The following CCDC192 variants were observed in gnomAD, a reference collection of about 807,000 sequenced individuals.
The protein encoded by CCDC192 is coiled-coil domain-containing protein 192.
chr5:127,885,179 C>CT (rs961175449), intron 6 of CCDC192, among the ~76,000 whole-genome samples: 2 of 151,964 alleles, frequency 1.3e-5, no homozygotes, highest in African/African-American at 4.8e-5. Flanking sequence ...CAAGCACCAG[C>CT]TAAATGTCAG....
chr5:127,821,896 A>G (rs1422468725), intron 5 of CCDC192, among the ~76,000 whole-genome samples: 1 of 152,236 alleles, frequency 6.6e-6, no homozygotes, highest in East Asian at 1.9e-4. Flanking sequence ...ACACAACTGA[A>G]TTATGAAGTT....
chr5:127,797,477 G>C (rs1757221596), intron 4 of CCDC192, among the ~76,000 whole-genome samples: 1 of 151,812 alleles, frequency 6.6e-6, no homozygotes, highest in Non-Finnish European at 1.5e-5. Context: ...AACATTAGCT[G>C]AATATTCTAT....
In CCDC192 at chr5:127,754,253, T is replaced by C; in HGVS notation, c.115-15T>C. ...CCATGTCAAAAAGTAATACTTGATT[T>C]TTTTTTTTTTAAAGAAAGCGTCCCT... On this transcript the variant is annotated splice_polypyrimidine_tract_variant and intron_variant, in intron 2 of 6. Transcript: ENST00000514853. The C allele has an allele frequency of 7.5e-6, 3 of 398,346 alleles. No individual in the cohort carries two copies. Among genetic ancestry groups the C allele is most frequent in the Non-Finnish European group, 1.3e-5 (3 of 225,756 alleles). The allele number at this position is 398,346 out of a possible 1,614,324, so 24.7% of individuals were successfully genotyped here. A position where few individuals can be genotyped will look rare whatever the true frequency, so the allele number is the denominator to read the frequency against.
intron 4 of CCDC192, among the ~76,000 whole-genome samples, chr5:127,797,752 TATATATATATATATATATATATA>T (rs1561494046): frequency 3.6e-5 from 5 of 137,092 alleles, no homozygotes; most frequent in African/African-American, 1.4e-4. Flanking sequence ...TATATATATA[TATATATATATATATATATATATA>T]TATTTATTTA....
intron 3 of CCDC192, chr5:127,786,518 A>G: frequency 1.6e-6 from 1 of 635,804 alleles, no homozygotes; most frequent in South Asian, 1.8e-5. Flanking sequence ...AGAATTTCTT[A>G]CCTGTTTATT....
At chr5:127,918,869 A>G (rs1753607567) in intron 6 of CCDC192, among the ~76,000 whole-genome samples, 2 of 151,386 alleles carry the variant, frequency 1.3e-5, no homozygotes, top group African/African-American at 4.9e-5. Context: ...GTGTGTATAT[A>G]TGTATGTGTA....
intron 5 of CCDC192, among the ~76,000 whole-genome samples, chr5:127,802,618 G>A (rs569425643): frequency 7.0e-4 from 106 of 152,166 alleles, no homozygotes; most frequent in African/African-American, 2.2e-3. Context: ...TCTTTGGTGC[G>A]TTCACAGCAC....
At chr5:127,760,701 CAAAAAA>C (rs56177728) in intron 3 of CCDC192, among the ~76,000 whole-genome samples, 3 of 54,942 alleles carry the variant, frequency 5.5e-5, no homozygotes, top group Non-Finnish European at 1.1e-4. Flanking sequence ...GATTCTGTCT[CAAAAAA>C]AAAAAAAAAA....
chr5:127,936,099 C>T (rs1015155682), intron 6 of CCDC192, among the ~76,000 whole-genome samples: 3 of 151,348 alleles, frequency 2.0e-5, no homozygotes, highest in Non-Finnish European at 4.4e-5. Flanking sequence ...AGCGAAACTC[C>T]GTTTCAAAAA....
chr5:127,793,861 A>G (rs1212983188), intron 3 of CCDC192, among the ~76,000 whole-genome samples: 1 of 152,222 alleles, frequency 6.6e-6, no homozygotes, highest in Admixed American at 6.5e-5. Context: ...TACTTTTGGC[A>G]ACAGGTAATA....
intron 5 of CCDC192, among the ~76,000 whole-genome samples, chr5:127,848,781 G>C (rs144349681): frequency 0.012 from 1,792 of 152,332 alleles, 26 homozygotes; most frequent in Non-Finnish European, 0.016. Flanking sequence ...TATTACTTCA[G>C]AGACACTTAG....
At position 127,918,216 on chromosome 5, in the gene CCDC192, T is replaced by TAA. The variant is rs1219307107; in HGVS notation, c.536-22948_536-22947dup. 3.1e-4 allele frequency among the ~76,000 whole-genome samples: 31 copies of TAA among 100,400 alleles called. 1 individual carries two copies. Among genetic ancestry groups the TAA allele is most frequent in the African/African-American group, 8.1e-4 (18 of 22,168 alleles). 65.9% of individuals were successfully genotyped at this position (100,400 alleles called of 152,430 possible). A position where few individuals can be genotyped will look rare whatever the true frequency, so the allele number is the denominator to read the frequency against. On this transcript the variant is annotated intron_variant, in intron 6 of 6. Transcript: ENST00000514853. ...AGGGTTGCCAGACACCTTCAATTTGTAAAAAAAAAAAAAAAAAAAGTAGTA... is the reference window on the plus strand; with the variant it reads ...AGGGTTGCCAGACACCTTCAATTTGTAAAAAAAAAAAAAAAAAAAAAGTAGTA...
rs148028151 is a variant in CCDC192 at position 127,814,698 on chromosome 5, G to A, written c.411+16536G>A. On this transcript the variant is annotated intron_variant, in intron 5 of 6. Coordinates refer to ENST00000514853, the MANE Select transcript of CCDC192 (RefSeq NM_001317938.2). ...GGAATTTACTTTGCCTTTCAGCCCTGGATCTTAGAATAAGAATTTAGACTT... is the reference window on the plus strand; with the variant it reads ...GGAATTTACTTTGCCTTTCAGCCCTAGATCTTAGAATAAGAATTTAGACTT... Among the ~76,000 whole-genome samples the A allele has an allele frequency of 1.8e-3, 272 of 152,278 alleles. 1 individual carries two copies. The highest frequency in any genetic ancestry group is 6.2e-3 in the African/African-American group (257 of 41,564).
chr5:127,805,164 G>A (rs959574139), intron 5 of CCDC192, among the ~76,000 whole-genome samples: 2 of 152,158 alleles, frequency 1.3e-5, no homozygotes, highest in African/African-American at 4.8e-5. Context: ...CTACTGTAAA[G>A]TGACAGCAGT....
intron 3 of CCDC192, among the ~76,000 whole-genome samples, chr5:127,775,013 A>G (rs903816766): frequency 1.2e-4 from 18 of 152,086 alleles, no homozygotes; most frequent in African/African-American, 4.1e-4. Context: ...TTCTGGATCA[A>G]TTGTGAATGG....
At chr5:127,865,195 T>C (rs1751556383) in intron 5 of CCDC192, among the ~76,000 whole-genome samples, 2 of 152,078 alleles carry the variant, frequency 1.3e-5, no homozygotes, top group Admixed American at 1.3e-4. Flanking sequence ...AATATTCTTG[T>C]CTCTCCACCT....
intron 3 of CCDC192, chr5:127,786,187 G>T: frequency 1.1e-6 from 1 of 875,950 alleles, no homozygotes; most frequent in Non-Finnish European, 1.9e-6. Context: ...ACATTTCCTT[G>T]CTAATTCATC....
chr5:127,712,014 A>G (rs248738), intron 2 of CCDC192, among the ~76,000 whole-genome samples: 57,837 of 151,854 alleles, frequency 0.38, 11,579 homozygotes, highest in East Asian at 0.65. Flanking sequence ...TTACTCATGC[A>G]CCTTAGGAAT....
chr5:127,785,822 T>G, intron 3 of CCDC192: 1 of 329,830 alleles, frequency 3.0e-6, no homozygotes, highest in Non-Finnish European at 6.0e-6. Context: ...ATAGGCCATC[T>G]TGGTAACCGC....
Sources: allele counts gnomAD v4.1 joint callset (sites outside exome capture counted in the v4.1 genomes callset), GRCh38; gene constraint gnomAD v4.1.1; transcripts MANE v1.5; gene names NCBI Gene and HGNC (gene_info 2026-07-23, HGNC 2026-07-21).